Variants in TMEM9 observed in about 807,000 individuals in gnomAD.
TMEM9 encodes the protein transmembrane protein 9.
Under a neutral mutation model 22.8 loss-of-function variants are expected in TMEM9, and 13 were observed. That is an observed-to-expected ratio of 0.57 (90% CI 0.37 to 0.91). The LOEUF is 0.91. Among genes scored for constraint, TMEM9 ranks in the 40% least tolerant of loss-of-function variants. The probability of loss-of-function intolerance (pLI) is 0.01; values close to 1 mark genes in which losing one functional copy is unlikely to be tolerated. For synonymous variants in TMEM9, 88 were observed against 93.0 expected, an observed-to-expected ratio of 0.95 and a Z score of 0.31; for missense variants, 182 against 238.1, an observed-to-expected ratio of 0.76 and a Z score of 1.55.
intron 4 of TMEM9, 104 bp downstream of exon 4, chr1:201,143,716 C>T: frequency 8.4e-7 from 1 of 1,190,402 alleles, no homozygotes; most frequent in South Asian, 1.3e-5. Flanking sequence ...CAACTTGAAG[C>T]ATTTTGGGGA....
At chr1:201,148,057 A>T (rs1156420161) in intron 2 of TMEM9, among the ~76,000 whole-genome samples, 4 of 152,318 alleles carry the variant, frequency 2.6e-5, no homozygotes, top group African/African-American at 9.6e-5. Flanking sequence ...CCCAGTACCT[A>T]GCTGGGTGCT....
intron 4 of TMEM9, among the ~76,000 whole-genome samples, chr1:201,142,839 G>C (rs529400692): frequency 3.6e-4 from 55 of 152,336 alleles, no homozygotes; most frequent in African/African-American, 1.3e-3. Flanking sequence ...AGCGCATAAA[G>C]GGGGAGCCCG....
intron 2 of TMEM9, among the ~76,000 whole-genome samples, chr1:201,148,353 G>A (rs1665154517): frequency 6.6e-6 from 1 of 152,166 alleles, no homozygotes; most frequent in South Asian, 2.1e-4. Context: ...AGATCAGCAT[G>A]GTTCCAACCT....
At chr1:201,143,715 G>A in intron 4 of TMEM9, 105 bp downstream of exon 4, 1 of 1,181,840 alleles carries the variant, frequency 8.5e-7, no homozygotes, top group South Asian at 1.4e-5. Flanking sequence ...GCAACTTGAA[G>A]CATTTTGGGG....
upstream of TMEM9, among the ~76,000 whole-genome samples, chr1:201,154,917 C>G (rs1665736062): frequency 6.6e-6 from 1 of 152,178 alleles, no homozygotes. Flanking sequence ...CCTACACACA[C>G]CTCTGAGAAG....
intron 4 of TMEM9, among the ~76,000 whole-genome samples, chr1:201,137,056 C>T (rs1664060676): frequency 6.6e-6 from 1 of 152,212 alleles, no homozygotes; most frequent in Non-Finnish European, 1.5e-5. Context: ...CTTGTGAGTG[C>T]TCCTCTCTAA....
intron 4 of TMEM9, among the ~76,000 whole-genome samples, chr1:201,136,327 C>T (rs567688094): frequency 6.6e-6 from 1 of 152,206 alleles, no homozygotes; most frequent in South Asian, 2.1e-4. Flanking sequence ...CTGCCCTCCA[C>T]GCCATTGCCC....
intron 1 of TMEM9, among the ~76,000 whole-genome samples, chr1:201,164,620 G>A (rs1051130724): frequency 1.3e-5 from 2 of 152,140 alleles, no homozygotes; most frequent in African/African-American, 2.4e-5. Flanking sequence ...GGAAATTAAT[G>A]TGTAGAACCA....
At position 201,146,822 on chromosome 1, in the gene TMEM9, A is replaced by G. The variant is rs775379216; in HGVS notation, c.185T>C (p.Met62Thr). The G allele has an allele frequency of 6.2e-7, 1 of 1,614,234 alleles. No individual in the cohort carries two copies. Among genetic ancestry groups the G allele is most frequent in the Non-Finnish European group, 8.5e-7 (1 of 1,180,038 alleles). Residue 62 changes from methionine (M) to threonine (T), a missense_variant, in exon 3 of 5, where the codon ATG (methionine) becomes ACG (threonine). Coordinates refer to ENST00000367330, the MANE Select transcript of TMEM9 (RefSeq NM_001288565.2). ...CTCCACGTCATGGCCAGGCACTGGC[A>G]TGGGCTCCACCACGTGCAGGCAGTT... ...DCNCLHVVEP[M>T]PVPGHDVEAY...
rs556562471 is a variant in TMEM9, at chr1:201,139,427, T to C, written c.400-3612A>G. Among the ~76,000 whole-genome samples the C allele has an allele frequency of 3.0e-4, 45 of 152,336 alleles. No individual in the cohort carries two copies. In the South Asian group the frequency reaches 3.7e-3, roughly 13 times the overall value. ...TGCACCTCTGCTGCGAGGCTCTCCC[T>C]GACCCCTGCACGCTGCGGCTAGGGC... On this transcript the variant is annotated intron_variant, in intron 4 of 4. Coordinates refer to ENST00000367330, the MANE Select transcript of TMEM9 (RefSeq NM_001288565.2).
Position 201,154,175 on chromosome 1 carries a change from A to T in TMEM9, c.-252T>A, listed in dbSNP as rs2102283857. 2.1e-6 allele frequency: 1 copy of T among 473,794 alleles called. No individual in the cohort carries two copies. Among genetic ancestry groups the T allele is most frequent in the Non-Finnish European group, 3.8e-6 (1 of 266,220 alleles). The allele number at this position is 473,794 out of a possible 1,614,324, so 29.3% of individuals were successfully genotyped here. A position where few individuals can be genotyped will look rare whatever the true frequency, so the allele number is the denominator to read the frequency against. On this transcript the variant is annotated 5_prime_UTR_variant, in exon 1 of 5. Transcript: ENST00000367330. ...GGTGAGCCCGGCAGAGGGGTCCTCG[A>T]GGGGACACCGCTGCCAGGGGCCTCC...
intron 2 of TMEM9, among the ~76,000 whole-genome samples, chr1:201,147,298 C>T (rs1665057758): frequency 6.6e-6 from 1 of 152,154 alleles, no homozygotes; most frequent in South Asian, 2.1e-4. Context: ...ACTCTACACC[C>T]GCCCCTGCAC....
At chr1:201,156,022 C>T (rs1048457147), upstream of TMEM9, among the ~76,000 whole-genome samples, 3 of 152,098 alleles carry the variant, frequency 2.0e-5, no homozygotes, top group African/African-American at 7.2e-5. Context: ...TGGAAAAAGA[C>T]ACTTCTTCCC....
chr1:201,170,154 G>C (rs1666176841), intron 1 of TMEM9, among the ~76,000 whole-genome samples: 1 of 152,230 alleles, frequency 6.6e-6, no homozygotes, highest in Non-Finnish European at 1.5e-5. Context: ...CATTGGCTGT[G>C]ATGGATTTTT....
At chr1:201,146,670 G>GT (rs749708953) in intron 3 of TMEM9, 70 bp downstream of exon 3, 10 of 1,451,656 alleles carry the variant, frequency 6.9e-6, no homozygotes, top group Non-Finnish European at 9.7e-6. Context: ...AAAACTGTGG[G>GT]TGTAGGCCAG....
intron 4 of TMEM9, among the ~76,000 whole-genome samples, chr1:201,142,017 C>T (rs962963793): frequency 1.6e-4 from 24 of 152,220 alleles, no homozygotes; most frequent in African/African-American, 4.6e-4. Context: ...TGTTTATTAG[C>T]GATGCTCCTC....
intron 2 of TMEM9, among the ~76,000 whole-genome samples, chr1:201,149,357 G>A (rs1418663451): frequency 1.3e-5 from 2 of 152,178 alleles, no homozygotes; most frequent in East Asian, 3.8e-4. Context: ...TTCCCTCTCA[G>A]GCAGAGCAAT....
chr1:201,139,091 C>T (rs764389933), intron 4 of TMEM9, among the ~76,000 whole-genome samples: 10 of 152,184 alleles, frequency 6.6e-5, no homozygotes, highest in Admixed American at 1.3e-4. Flanking sequence ...CCCTTCAGGC[C>T]GTCCCAGATG....
At chr1:201,162,172 A>ATT (rs780290592) in intron 1 of TMEM9, among the ~76,000 whole-genome samples, 15 of 140,774 alleles carry the variant, frequency 1.1e-4, no homozygotes, top group African/African-American at 2.3e-4. Flanking sequence ...TGCCCAATTG[A>ATT]TTTTTTTTTT....
Sources: gnomAD v4.1 joint callset for allele counts (sites outside exome capture counted in the v4.1 genomes callset) on GRCh38, gnomAD v4.1.1 for gene constraint, MANE v1.5 for transcripts, NCBI Gene and HGNC (gene_info 2026-07-23, HGNC 2026-07-21) for gene names.